TRAK2: variants seen among roughly 807,000 people sequenced by gnomAD.
TRAK2 encodes trafficking kinesin-binding protein 2.
Under a neutral mutation model 104.6 loss-of-function variants are expected in TRAK2, and 81 were observed. The ratio of observed to expected loss-of-function variants is 0.77; its 90% CI spans 0.65 to 0.93. The LOEUF is 0.93. Among genes scored for constraint, TRAK2 ranks in the 40% least tolerant of loss-of-function variants. The probability of loss-of-function intolerance (pLI) is 0.00; values close to 1 mark genes in which losing one functional copy is unlikely to be tolerated. For missense variants in TRAK2, 1,002 were observed against 1,089.0 expected (o/e 0.92, Z 1.12); for synonymous variants, 406 against 394.4 (o/e 1.03, Z -0.35).
At chr2:201,400,921 A>G (rs1951545059) in intron 4 of TRAK2, 97 bp downstream of exon 4, 1 of 854,998 alleles carries the variant, frequency 1.2e-6, no homozygotes, top group African/African-American at 1.7e-5. Context: ...AACCCAGAGC[A>G]CGTACAACAT....
At chr2:201,392,294 C>T (rs1433649706) in intron 10 of TRAK2, among the ~76,000 whole-genome samples, 3 of 152,066 alleles carry the variant, frequency 2.0e-5, no homozygotes, top group East Asian at 1.9e-4. Context: ...TTATGCCTCC[C>T]TATTTTTAAG....
At chr2:201,412,015 T>A (rs1951651443) in intron 2 of TRAK2, 1 of 1,012,260 alleles carries the variant, frequency 9.9e-7, no homozygotes, top group Non-Finnish European at 1.6e-6. Context: ...TTTTGGTTAG[T>A]AGCAAATCCA....
intron 7 of TRAK2, among the ~76,000 whole-genome samples, chr2:201,396,727 T>C (rs1951506099): frequency 6.6e-6 from 1 of 152,092 alleles, no homozygotes; most frequent in Admixed American, 6.6e-5. Context: ...TACTAAGAGA[T>C]GGTTACTAAG....
intron 8 of TRAK2, 154 bp from the exon 9 acceptor site, chr2:201,395,026 G>A (rs1167979694): frequency 2.9e-5 from 20 of 700,470 alleles, no homozygotes; most frequent in Middle Eastern, 8.0e-4. Flanking sequence ...ATAGGCATTC[G>A]AATACAAAAT....
intron 2 of TRAK2, chr2:201,411,071 A>G: frequency 8.5e-7 from 1 of 1,173,172 alleles, no homozygotes. Flanking sequence ...ACATCATGTC[A>G]ATGCCCATGG....
In TRAK2 at chr2:201,389,268, A is replaced by T. The variant is rs541633747; in HGVS notation, c.1397+32T>A. Reference sequence around the variant, plus strand: ...ATCTGGTGCGGCAATGTGAAAAGAAATGCAGAATCACTGTTATCATCGGAT... The same window carrying T: ...ATCTGGTGCGGCAATGTGAAAAGAATTGCAGAATCACTGTTATCATCGGAT... On this transcript the variant is annotated intron_variant, in intron 12 of 15. Coordinates refer to ENST00000332624, the MANE Select transcript of TRAK2 (RefSeq NM_015049.3). The T allele has an allele frequency of 4.5e-4, 723 of 1,595,040 alleles. 11 individuals carry two copies. In the South Asian group the frequency reaches 7.5e-3, roughly 17 times the overall value.
intron 3 of TRAK2, among the ~76,000 whole-genome samples, chr2:201,404,805 G>A (rs1951579421): frequency 6.6e-6 from 1 of 152,180 alleles, no homozygotes; most frequent in Admixed American, 6.5e-5. Context: ...AACACAAACA[G>A]TGCCCACATG....
chr2:201,424,254 G>C (rs1197932381), intron 1 of TRAK2, among the ~76,000 whole-genome samples: 1 of 152,172 alleles, frequency 6.6e-6, no homozygotes, highest in Non-Finnish European at 1.5e-5. Flanking sequence ...AGGGGGAAAT[G>C]ATCATTTTTA....
At chr2:201,417,476 C>A (rs1197363793) in intron 2 of TRAK2, among the ~76,000 whole-genome samples, 1 of 151,996 alleles carries the variant, frequency 6.6e-6, no homozygotes, top group African/African-American at 2.4e-5. Flanking sequence ...ATTCACCACA[C>A]TAATAGACAA....
intron 4 of TRAK2, 75 bp downstream of exon 4, chr2:201,400,943 T>C (rs1026903639): frequency 6.0e-5 from 69 of 1,144,074 alleles, no homozygotes; most frequent in Non-Finnish European, 8.1e-5. Context: ...TTCCATTTGA[T>C]GTGCAAATTT....
At chr2:201,413,398 C>T (rs780167542) in intron 2 of TRAK2, 19 of 563,230 alleles carry the variant, frequency 3.4e-5, no homozygotes, top group Non-Finnish European at 4.9e-5. Flanking sequence ...CCCCTAAACA[C>T]AGGCTGTTCC....
intron 1 of TRAK2, among the ~76,000 whole-genome samples, chr2:201,435,481 T>A (rs1951874464): frequency 1.3e-5 from 2 of 152,254 alleles, no homozygotes; most frequent in South Asian, 4.1e-4. Flanking sequence ...GGCTATATAA[T>A]AATATTCACA....
At chr2:201,391,627 G>A (rs544991931) in intron 10 of TRAK2, among the ~76,000 whole-genome samples, 2 of 152,272 alleles carry the variant, frequency 1.3e-5, no homozygotes, top group African/African-American at 4.8e-5. Flanking sequence ...TTAATTAACT[G>A]TTAATTACCG....
intron 5 of TRAK2, 72 bp downstream of exon 5, chr2:201,399,305 C>G (rs750751588): frequency 2.0e-6 from 2 of 1,012,514 alleles, no homozygotes; most frequent in Non-Finnish European, 3.0e-6. Context: ...TTCAGGGACA[C>G]CTAGGAAAAT....
intron 7 of TRAK2, among the ~76,000 whole-genome samples, chr2:201,395,674 C>T (rs1322372463): frequency 3.9e-5 from 6 of 151,944 alleles, no homozygotes; most frequent in Non-Finnish European, 5.9e-5. Context: ...AAAAGAGAGA[C>T]GACTTATAAA....
At chr2:201,416,314 G>T (rs1205604029) in intron 2 of TRAK2, among the ~76,000 whole-genome samples, 2 of 151,872 alleles carry the variant, frequency 1.3e-5, no homozygotes, top group Non-Finnish European at 2.9e-5. Context: ...GCTGAGATGG[G>T]AGGATCACTT....
chr2:201,435,099 C>T (rs1190977889), intron 1 of TRAK2, among the ~76,000 whole-genome samples: 1 of 152,090 alleles, frequency 6.6e-6, no homozygotes, highest in African/African-American at 2.4e-5. Flanking sequence ...CTCTGTTGCC[C>T]AGGTTGGAGT....
At chr2:201,424,610 T>G (rs146358504) in intron 1 of TRAK2, among the ~76,000 whole-genome samples, 40 of 151,494 alleles carry the variant, frequency 2.6e-4, no homozygotes, top group African/African-American at 7.0e-4. Flanking sequence ...TTTTGTTTTT[T>G]TTTTGTTTTT....
intron 15 of TRAK2, among the ~76,000 whole-genome samples, chr2:201,383,035 A>C (rs1951357225): frequency 2.0e-5 from 3 of 152,254 alleles, no homozygotes; most frequent in Non-Finnish European, 4.4e-5. Flanking sequence ...AACAGGCAAC[A>C]AACACATCAG....
Sources: gnomAD v4.1 joint callset for allele counts (sites outside exome capture counted in the v4.1 genomes callset) on GRCh38, gnomAD v4.1.1 for gene constraint, MANE v1.5 for transcripts, NCBI Gene and HGNC (gene_info 2026-07-23, HGNC 2026-07-21) for gene names.